Variants in RNF220 observed in about 807,000 individuals in gnomAD.
The protein encoded by RNF220 is ring finger protein 220.
In RNF220, 7 loss-of-function variants were observed where a neutral mutation model predicts 67.1. The observed-to-expected ratio is 0.10, with a 90% confidence interval of 0.06 to 0.20. RNF220 has a LOEUF of 0.20. Ranked by LOEUF, RNF220 falls within the 10% of genes least tolerant of loss-of-function variation. The probability of loss-of-function intolerance (pLI) is 1.00; values close to 1 mark genes in which losing one functional copy is unlikely to be tolerated. For synonymous variants in RNF220, 270 were observed against 283.2 expected (o/e 0.95, Z 0.47); for missense variants, 565 against 740.3 (o/e 0.76, Z 2.75).
At chr1:44,474,073 AT>A (rs1328923659) in intron 2 of RNF220, among the ~76,000 whole-genome samples, 6 of 151,928 alleles carry the variant, frequency 3.9e-5, no homozygotes, top group African/African-American at 1.5e-4. Flanking sequence ...AAGAAAAAAA[AT>A]AAAAAAATAA....
intron 12 of RNF220, among the ~76,000 whole-genome samples, chr1:44,647,117 G>GATGGC (rs986938967): frequency 1.2e-4 from 18 of 152,222 alleles, no homozygotes; most frequent in African/African-American, 4.1e-4. Context: ...AGCTCTTGGA[G>GATGGC]ATGGCATGGG....
Position 44,412,064 on chromosome 1 carries a change from T to C in RNF220, c.-34T>C. 1 of 1,580,704 alleles carries C rather than the reference T, an allele frequency of 6.3e-7. No individual in the cohort carries two copies. The highest frequency in any genetic ancestry group is 8.6e-7 in the Non-Finnish European group (1 of 1,161,990). On this transcript the variant is annotated 5_prime_UTR_variant, in exon 2 of 15. Coordinates refer to ENST00000361799, the MANE Select transcript of RNF220 (RefSeq NM_018150.4). This position sits in a 1 kb window ranked among gnomAD's most constrained non-coding sequence, Gnocchi z 5.3. ...GGCCTCCCTCCCAGGGAAGACTGCT[T>C]CTTGCGTAACGCCGGCCACAGAAAG...
intron 6 of RNF220, among the ~76,000 whole-genome samples, chr1:44,633,140 T>A (rs922831310): frequency 2.0e-5 from 3 of 152,212 alleles, no homozygotes; most frequent in Non-Finnish European, 2.9e-5. Flanking sequence ...TCCCCAGCTC[T>A]TATCACTTGG....
intron 2 of RNF220, among the ~76,000 whole-genome samples, chr1:44,524,997 GA>G (rs56827429): frequency 2.0e-5 from 3 of 151,574 alleles, no homozygotes; most frequent in East Asian, 1.9e-4. Flanking sequence ...GAAAGAAAAA[GA>G]AAAAAAATGT....
chr1:44,543,021 G>A (rs879471135), intron 2 of RNF220, among the ~76,000 whole-genome samples: 3 of 152,130 alleles, frequency 2.0e-5, no homozygotes, highest in African/African-American at 4.8e-5. Context: ...GAGCCCAGGC[G>A]CCTGCCACCG....
At chr1:44,613,261 G>A (rs1643393099) in intron 2 of RNF220, among the ~76,000 whole-genome samples, 1 of 149,744 alleles carries the variant, frequency 6.7e-6, no homozygotes, top group Non-Finnish European at 1.5e-5. Context: ...TGTAAGCAGA[G>A]GCCACAGAGC....
rs1230694221 is a variant in RNF220, at chr1:44,650,736, G to T, written c.1662G>T (p.Thr554=). ...AGAAGCTCTGCCCTCAGTGCAACAC[G>T]ATCACAGCGCCCGGAGACCTGCGGA... is the stretch of plus-strand genomic sequence containing the variant. ...GAKKLCPQCN[T]ITAPGDLRRI... Residue 554 remains threonine (T), a synonymous_variant, in exon 15 of 15, where the codon ACG becomes ACT. Transcript: ENST00000361799. This position sits in a 1 kb window ranked among gnomAD's most constrained non-coding sequence, Gnocchi z 4.3. 6.2e-7 allele frequency: 1 copy of T among 1,613,180 alleles called. No individual in the cohort carries two copies. Among genetic ancestry groups the T allele is most frequent in the African/African-American group, 1.3e-5 (1 of 74,716 alleles).
intron 2 of RNF220, among the ~76,000 whole-genome samples, chr1:44,530,887 C>T (rs1660786526): frequency 2.0e-5 from 3 of 152,118 alleles, no homozygotes; most frequent in Admixed American, 1.3e-4. Context: ...CATTTGAACC[C>T]AGGAGGCAGA....
intron 2 of RNF220, among the ~76,000 whole-genome samples, chr1:44,557,177 T>A (rs1014842973): frequency 5.6e-5 from 8 of 143,548 alleles, no homozygotes; most frequent in African/African-American, 1.6e-4. Context: ...ATGTATATAT[T>A]AATATATAAT....
intron 2 of RNF220, among the ~76,000 whole-genome samples, chr1:44,444,859 T>C (rs1651923027): frequency 1.3e-5 from 2 of 152,212 alleles, no homozygotes; most frequent in South Asian, 4.1e-4. Context: ...GTACAGGGCC[T>C]GAGTTTCCTG....
At chr1:44,626,628 C>A (rs1643948908) in intron 5 of RNF220, 1 of 565,518 alleles carries the variant, frequency 1.8e-6, no homozygotes, top group Admixed American at 3.1e-5. Context: ...CACATGGGCT[C>A]CATGGGCTCT....
chr1:44,640,762 C>T (rs1644465506), intron 8 of RNF220, among the ~76,000 whole-genome samples: 1 of 152,206 alleles, frequency 6.6e-6, no homozygotes, highest in African/African-American at 2.4e-5. Flanking sequence ...GCTCCCCAAT[C>T]GATGGCGTTT....
intron 2 of RNF220, among the ~76,000 whole-genome samples, chr1:44,612,891 C>A (rs970112252): frequency 2.0e-5 from 3 of 152,220 alleles, no homozygotes; most frequent in Admixed American, 2.0e-4. Flanking sequence ...GATTTTGACC[C>A]CCTCCAGGAA....
chr1:44,474,753 T>C (rs1453675622), intron 2 of RNF220, among the ~76,000 whole-genome samples: 1 of 151,926 alleles, frequency 6.6e-6, no homozygotes, highest in African/African-American at 2.4e-5. Flanking sequence ...TAAATATAAA[T>C]ATAAATATAA....
intron 2 of RNF220, among the ~76,000 whole-genome samples, chr1:44,493,455 G>A (rs1039507446): frequency 7.2e-5 from 11 of 151,948 alleles, no homozygotes; most frequent in Non-Finnish European, 1.2e-4. Context: ...TGGAGGTTGC[G>A]GTGAGCCAAG....
In RNF220 at chr1:44,626,285, T is replaced by A; in HGVS notation, c.805-12T>A. ...TTTGGCCTGAGGCCACATGTCTTTT[T>A]TCTTCTTCCAGTCCCTCCTGTTGTC... On this transcript the variant is annotated splice_polypyrimidine_tract_variant and intron_variant, in intron 4 of 14. Transcript: ENST00000361799. The A allele has an allele frequency of 6.2e-7, 1 of 1,611,096 alleles. No individual in the cohort carries two copies. The highest frequency in any genetic ancestry group is 8.5e-7 in the Non-Finnish European group (1 of 1,177,318).
intron 2 of RNF220, among the ~76,000 whole-genome samples, chr1:44,479,473 C>G (rs1557965509): frequency 1.3e-5 from 2 of 152,062 alleles, no homozygotes; most frequent in African/African-American, 2.4e-5. Context: ...ACAAGCCACA[C>G]CCACAATTTT....
At chr1:44,570,831 T>C (rs1409597285) in intron 2 of RNF220, among the ~76,000 whole-genome samples, 3 of 152,158 alleles carry the variant, frequency 2.0e-5, no homozygotes, top group African/African-American at 7.2e-5. Context: ...CCCAGCACTT[T>C]GGAAGGTCAA....
chr1:44,614,262 G>T lies in RNF220; in HGVS notation c.723G>T (p.Glu241Asp). The T allele has an allele frequency of 6.2e-7, 1 of 1,614,140 alleles. No homozygotes were observed. The highest frequency in any genetic ancestry group is 1.6e-4 in the Middle Eastern group (1 of 6,062). Residue 241 changes from glutamate (E) to aspartate (D), a missense_variant, in exon 3 of 15, where the codon GAG becomes GAT. Physicochemically the swap from Glu to Asp is conservative, Grantham distance 45. Transcript: ENST00000361799. ...LRPSELQEHMEQELEQLAQLP... is the reference protein window; with the variant it reads ...LRPSELQEHMDQELEQLAQLP... ...CCAGTGAGCTGCAGGAGCATATGGA[G>T]CAGGAACTGGAGCAGCTAGCCCAAC...
Sources: gnomAD v4.1 joint callset for allele counts (sites outside exome capture counted in the v4.1 genomes callset) on GRCh38, gnomAD v4.1.1 for gene constraint, Gnocchi (gnomAD v3.1) non-coding constraint, MANE v1.5 for transcripts, NCBI Gene and HGNC (gene_info 2026-07-23, HGNC 2026-07-21) for gene names.